SLC6A9: variants seen among roughly 807,000 people sequenced by gnomAD.
SLC6A9 encodes the protein solute carrier family 6 member 9.
Under a neutral mutation model 70.9 loss-of-function variants are expected in SLC6A9, and 31 were observed. The observed-to-expected ratio is 0.44, with a 90% CI of 0.33 to 0.59. The LOEUF (loss-of-function observed/expected upper bound fraction) is 0.59. Ranked by LOEUF, SLC6A9 falls within the 20% of genes least tolerant of loss-of-function variation. The pLI, the probability that SLC6A9 is intolerant of heterozygous loss-of-function variation, is 0.04. For missense variants in SLC6A9, 631 were observed against 845.2 expected, an observed-to-expected ratio of 0.75 and a Z score of 3.14; for synonymous variants, 310 against 341.3, an observed-to-expected ratio of 0.91 and a Z score of 1.01.
chr1:43,999,674 C>T (rs557439744), intron 12 of SLC6A9, among the ~76,000 whole-genome samples: 106 of 152,156 alleles, frequency 7.0e-4, no homozygotes, highest in Non-Finnish European at 1.4e-3. Flanking sequence ...TCGGGAACAT[C>T]CCACAACCTA....
rs994868850 is a variant in SLC6A9 at position 43,997,658 on chromosome 1, T to C, written c.1789A>G (p.Ile597Val). Residue 597 changes from isoleucine to valine, a missense_variant, in exon 14 of 14, where the codon ATA becomes GTA. Physicochemically the swap from Ile to Val is conservative, Grantham distance 29. Coordinates refer to ENST00000372310, the MANE Select transcript of SLC6A9 (RefSeq NM_001024845.3). The surrounding 1 kb of genome is among the most constrained non-coding windows in gnomAD (Gnocchi z 4.4). The part of the protein sequence containing the change: ...EHRTGRYAPT[I>V]APSPEDGFEV... ...AAGCCGTCCTCAGGAGAGGGGGCTA[T>C]GGTGGGGGCGTAGCGCCCTGTCCGG... is the stretch of plus-strand genomic sequence containing the variant. The C allele has an allele frequency of 1.4e-5, 23 of 1,613,846 alleles. No individual in the cohort carries two copies. Among genetic ancestry groups the C allele is most frequent in the Middle Eastern group, 3.3e-4 (2 of 6,056 alleles).
chr1:44,006,586 C>CAAA (rs34759206), intron 5 of SLC6A9, among the ~76,000 whole-genome samples: 1,544 of 67,068 alleles, frequency 0.023, 202 homozygotes, highest in African/African-American at 0.085. Context: ...GATTCTGTCT[C>CAAA]AAAAAAAAAA....
chr1:44,002,367 C>A lies in SLC6A9; in HGVS notation c.908G>T (p.Trp303Leu). Residue 303 changes from tryptophan (W) to leucine (L), a missense_variant, in exon 8 of 14, where the codon TGG becomes TTG. Trp to Leu is a moderately conservative substitution (Grantham distance 61). Transcript: ENST00000372310. This position sits in a 1 kb window ranked among gnomAD's most constrained non-coding sequence, Gnocchi z 5.5. ...SQIFYSLGCA[W>L]GGLITMASYN... ...GGAAGCCATGGTGATGAGGCCTCCC[C>A]ACGCGCAGCCCAGTGAGTAGAAGAT... 1 of 1,614,134 alleles carries A rather than the reference C, an allele frequency of 6.2e-7. No homozygotes were observed. Among genetic ancestry groups the A allele is most frequent in the Non-Finnish European group, 8.5e-7 (1 of 1,180,000 alleles).
At chr1:44,029,805 A>C (rs1158223295) in intron 1 of SLC6A9, among the ~76,000 whole-genome samples, 1 of 152,262 alleles carries the variant, frequency 6.6e-6, no homozygotes, top group Admixed American at 6.5e-5. Context: ...CCTTGGAAAC[A>C]CTTGGGCATG....
intron 2 of SLC6A9, among the ~76,000 whole-genome samples, chr1:44,023,910 G>A (rs1349534028): frequency 1.3e-5 from 2 of 152,210 alleles, no homozygotes; most frequent in African/African-American, 4.8e-5. Context: ...GTCTGAGGGA[G>A]GACCCCTTGA....
rs1440770985 is a variant in SLC6A9 at position 44,002,949 on chromosome 1, G to T, written c.627C>A (p.Asn209Lys). ...YVLKLSDDIG[N>K]FGEVRLPLLG... ...GGAGGGGCAGCCGCACCTCCCCAAA[G>T]TTCCCAATGTCATCTGACAGCTTCA... The change falls in exon 6 of 14, where the codon AAC becomes AAA. Residue 209 changes from asparagine to lysine, a missense_variant. Coordinates refer to ENST00000372310, the MANE Select transcript of SLC6A9 (RefSeq NM_001024845.3). The surrounding 1 kb of genome is among the most constrained non-coding windows in gnomAD (Gnocchi z 5.5). The T allele has an allele frequency of 6.2e-7, 1 of 1,614,112 alleles. No individual in the cohort carries two copies. The highest frequency in any genetic ancestry group is 8.5e-7 in the Non-Finnish European group (1 of 1,179,994).
chr1:44,010,758 C>T lies in SLC6A9; in HGVS notation c.155G>A (p.Arg52His), dbSNP rs2086536338. The T allele has an allele frequency of 1.9e-6, 3 of 1,614,066 alleles. No homozygotes were observed. Among genetic ancestry groups the T allele is most frequent in the African/African-American group, 1.3e-5 (1 of 75,064 alleles). Residue 52 changes from arginine to histidine, a missense_variant, in exon 3 of 14, where the codon CGC becomes CAC. Coordinates refer to ENST00000372310, the MANE Select transcript of SLC6A9 (RefSeq NM_001024845.3). ...GYAVGLGNVW[R>H]FPYLCYRNGG... ...GTTGCGATAGCAGAGGTATGGGAAGCGCCAGACATTGCCCAGGCCCACGGC... is the reference window on the plus strand; with the variant it reads ...GTTGCGATAGCAGAGGTATGGGAAGTGCCAGACATTGCCCAGGCCCACGGC...
At chr1:44,007,672 C>T (rs2086367031) in intron 5 of SLC6A9, among the ~76,000 whole-genome samples, 1 of 152,216 alleles carries the variant, frequency 6.6e-6, no homozygotes, top group African/African-American at 2.4e-5. Flanking sequence ...ATTCTCCCCA[C>T]ACCTGTTACT....
chr1:44,016,207 G>A (rs1235384537), intron 2 of SLC6A9, among the ~76,000 whole-genome samples: 1 of 152,178 alleles, frequency 6.6e-6, no homozygotes, highest in African/African-American at 2.4e-5. Context: ...AAGACTGGAG[G>A]CAATGGTCAT....
At chr1:44,020,290 C>A (rs1199652372) in intron 2 of SLC6A9, among the ~76,000 whole-genome samples, 1 of 152,230 alleles carries the variant, frequency 6.6e-6, no homozygotes, top group Non-Finnish European at 1.5e-5. Flanking sequence ...CAGCAGAGTG[C>A]CTCTTGTGTG....
intron 2 of SLC6A9, chr1:44,017,382 C>CACACACAA: frequency 8.4e-7 from 1 of 1,188,004 alleles, no homozygotes; most frequent in Middle Eastern, 3.2e-4. Flanking sequence ...CACACACACA[C>CACACACAA]ACACACACAC....
chr1:44,007,869 T>A (rs993370101), intron 5 of SLC6A9, among the ~76,000 whole-genome samples: 40 of 149,798 alleles, frequency 2.7e-4, no homozygotes, highest in Admixed American at 7.4e-4. Flanking sequence ...CAACTCAACA[T>A]TCCATCTTCC....
In SLC6A9 at chr1:44,010,103, G is replaced by C. The variant is rs537261471; in HGVS notation, c.188-7C>G. ...TAGGGGAACATGAAGGCGCCTGGTA[G>C]GCAGGGAGAGGTCTGGCTCAGGAGT... On this transcript the variant is annotated splice_region_variant and splice_polypyrimidine_tract_variant and intron_variant, in intron 3 of 13. Transcript: ENST00000372310. 3 of 1,613,548 alleles carry C rather than the reference G, an allele frequency of 1.9e-6. No individual in the cohort carries two copies. Among genetic ancestry groups the C allele is most frequent in the East Asian group, 4.5e-5 (2 of 44,826 alleles).
chr1:44,024,137 A>G, intron 2 of SLC6A9, 111 bp downstream of exon 2: 6 of 1,123,024 alleles, frequency 5.3e-6, no homozygotes, highest in Non-Finnish European at 8.2e-6. Flanking sequence ...CTGGGCACTC[A>G]GGAGCCCTGG....
At position 43,999,770 on chromosome 1, in the gene SLC6A9, C is replaced by T. The variant is rs529684008; in HGVS notation, c.1536+997G>A. Among the ~76,000 whole-genome samples, 4 of 152,162 alleles carry T rather than the reference C, an allele frequency of 2.6e-5. No homozygotes were observed. In the South Asian group the frequency reaches 6.2e-4, roughly 24 times the overall value. On this transcript the variant is annotated intron_variant, in intron 12 of 13. Coordinates refer to ENST00000372310, the MANE Select transcript of SLC6A9 (RefSeq NM_001024845.3). Reference sequence around the variant, plus strand: ...TCTGGTGCTGAGCCCCCTGTGCCACCGAGGCATTAAACATGACAAGAGTGT... The same window carrying T: ...TCTGGTGCTGAGCCCCCTGTGCCACTGAGGCATTAAACATGACAAGAGTGT...
rs1452435998 is a variant in SLC6A9, at chr1:44,001,124, T to A, written c.1335+40A>T. 2.5e-6 allele frequency: 4 copies of A among 1,613,948 alleles called. No homozygotes were observed. In the South Asian group the frequency reaches 4.4e-5, roughly 18 times the overall value. ...CTCCCCAACCCTTCCCTGCACGTCC[T>A]GGCAACTCTGGGCCAGCCCTTCCCT... On this transcript the variant is annotated intron_variant, in intron 10 of 13. Transcript: ENST00000372310.
rs1186186428 is a variant in SLC6A9, at chr1:43,996,511, A to G, written c.*1034T>C. On this transcript the variant is annotated 3_prime_UTR_variant, in exon 14 of 14. Coordinates refer to ENST00000372310, the MANE Select transcript of SLC6A9 (RefSeq NM_001024845.3). Reference sequence around the variant, plus strand: ...GAGACAGGAATAGAAATTTCATTAAAATCTATGGACTTTAAAATCCTAGTG... The same window carrying G: ...GAGACAGGAATAGAAATTTCATTAAGATCTATGGACTTTAAAATCCTAGTG... The G allele has an allele frequency of 3.6e-6, 1 of 275,308 alleles. No individual in the cohort carries two copies. Among genetic ancestry groups the G allele is most frequent in the Non-Finnish European group, 6.8e-6 (1 of 146,488 alleles). 17.1% of individuals were successfully genotyped at this position (275,308 alleles called of 1,614,324 possible).
chr1:44,024,050 TTGCGGGCTC>T (rs976967158), intron 2 of SLC6A9, among the ~76,000 whole-genome samples, 189 bp downstream of exon 2: 3 of 152,198 alleles, frequency 2.0e-5, no homozygotes, highest in African/African-American at 7.2e-5. Flanking sequence ...TGGCAGGTCT[TTGCGGGCTC>T]TGCGGGCTTG....
rs765115329 is a variant in SLC6A9 at position 43,997,607 on chromosome 1, T to C, written c.1840A>G (p.Lys614Glu). ...GFEVQPLHPDKAQIPIVGSNG... is the reference protein window; with the variant it reads ...GFEVQPLHPDEAQIPIVGSNG... ...CTGCCCACAATGGGGATCTGCGCCT[T>C]GTCCGGGTGCAGTGGCTGGACCTCG... The change falls in exon 14 of 14, where the codon AAG (lysine) becomes GAG (glutamate). Residue 614 changes from lysine to glutamate, a missense_variant. Physicochemically the swap from Lys to Glu is moderately conservative, Grantham distance 56. Transcript: ENST00000372310. The surrounding 1 kb of genome is among the most constrained non-coding windows in gnomAD (Gnocchi z 4.4). The C allele has an allele frequency of 1.2e-6, 2 of 1,613,938 alleles. No homozygotes were observed. The highest frequency in any genetic ancestry group is 3.3e-5 in the Admixed American group (2 of 60,010).
Sources: allele counts gnomAD v4.1 joint callset (sites outside exome capture counted in the v4.1 genomes callset), GRCh38; gene constraint gnomAD v4.1.1; non-coding constraint Gnocchi (gnomAD v3.1); transcripts MANE v1.5; gene names NCBI Gene and HGNC (gene_info 2026-07-23, HGNC 2026-07-21).